The following FSHR variants were observed in gnomAD, a reference collection of about 807,000 sequenced individuals.
FSHR encodes follicle-stimulating hormone receptor.
Under a neutral mutation model 52.1 loss-of-function variants are expected in FSHR, and 46 were observed. The observed-to-expected ratio is 0.88, with a 90% CI of 0.70 to 1.13. The LOEUF (loss-of-function observed/expected upper bound fraction) is 1.13. FSHR is among the 50% of genes most tolerant of loss of function. The pLI, the probability that FSHR is intolerant of heterozygous loss-of-function variation, is 0.00. For synonymous variants in FSHR, 399 were observed against 309.6 expected (o/e 1.29, Z -3.03); for missense variants, 964 against 834.6 (o/e 1.16, Z -1.91).
Position 48,963,171 on chromosome 2 carries a change from G to T in FSHR, c.1650C>A (p.Ile550=), listed in dbSNP as rs759651692. Residue 550 remains isoleucine, a synonymous_variant, in exon 10 of 10, where the codon ATC becomes ATA. Transcript: ENST00000406846. ...GGTTCCGCACTGTGAGGTAGATGTGGATATAGCAGCCACAGATGACCACAA... is the reference window on the plus strand; with the variant it reads ...GGTTCCGCACTGTGAGGTAGATGTGTATATAGCAGCCACAGATGACCACAA... ...LAFVVICGCY[I]HIYLTVRNPN... The T allele has an allele frequency of 1.2e-5, 20 of 1,613,976 alleles. No individual in the cohort carries two copies. The South Asian group carries it at 1.4e-4, about 12-fold the overall frequency.
intron 4 of FSHR, among the ~76,000 whole-genome samples, chr2:48,999,041 T>G (rs1344331333): frequency 6.6e-6 from 1 of 152,014 alleles, no homozygotes; most frequent in Admixed American, 6.6e-5. Context: ...TGTTCGCTGA[T>G]GGGGTGAGGA....
At chr2:49,023,499 C>T (rs140155484) in intron 2 of FSHR, among the ~76,000 whole-genome samples, 2 of 152,296 alleles carry the variant, frequency 1.3e-5, no homozygotes, top group East Asian at 3.8e-4. Context: ...GGTGACAGCC[C>T]AGCCTAGCTT....
At chr2:48,992,796 A>C (rs1675845584) in intron 4 of FSHR, among the ~76,000 whole-genome samples, 2 of 152,112 alleles carry the variant, frequency 1.3e-5, no homozygotes, top group Non-Finnish European at 1.5e-5. Flanking sequence ...AAGCTTCTAG[A>C]AAGAGTTGTC....
At chr2:49,086,328 A>C (rs1442452223) in intron 1 of FSHR, among the ~76,000 whole-genome samples, 2 of 152,190 alleles carry the variant, frequency 1.3e-5, no homozygotes, top group African/African-American at 2.4e-5. Flanking sequence ...AAGACAGAAA[A>C]GATGTAGCAA....
intron 1 of FSHR, among the ~76,000 whole-genome samples, chr2:49,104,609 G>A (rs1671158354): frequency 6.6e-6 from 1 of 152,170 alleles, no homozygotes; most frequent in Non-Finnish European, 1.5e-5. Context: ...ATGGTTTGCA[G>A]AAAGATATCG....
At chr2:49,012,750 T>G (rs1004449921) in intron 4 of FSHR, among the ~76,000 whole-genome samples, 6 of 152,136 alleles carry the variant, frequency 3.9e-5, no homozygotes, top group African/African-American at 1.4e-4. Context: ...GTTTTTTCTC[T>G]TGAAGCAAGT....
At chr2:49,084,334 G>A (rs1052917822) in intron 1 of FSHR, among the ~76,000 whole-genome samples, 4 of 151,928 alleles carry the variant, frequency 2.6e-5, no homozygotes, top group South Asian at 2.1e-4. Context: ...TCTCTGGGAC[G>A]CATTCAAAGC....
Position 49,146,474 on chromosome 2 carries a change from T to G in FSHR, c.152+7792A>C, listed in dbSNP as rs927855767. Among the ~76,000 whole-genome samples, 8 of 152,168 alleles carry G rather than the reference T, an allele frequency of 5.3e-5. No individual in the cohort carries two copies. In the East Asian group the frequency reaches 1.5e-3, roughly 29 times the overall value. On this transcript the variant is annotated intron_variant, in intron 1 of 9. Coordinates refer to ENST00000406846, the MANE Select transcript of FSHR (RefSeq NM_000145.4). ...ATAGGATCCCTCATAAATTCTTTGT[T>G]TAAAACCCCTCAACAAGTTGAAAAT... is the stretch of plus-strand genomic sequence containing the variant.
intron 4 of FSHR, among the ~76,000 whole-genome samples, chr2:48,991,663 C>G (rs1277826643): frequency 1.3e-5 from 2 of 152,198 alleles, no homozygotes; most frequent in Non-Finnish European, 2.9e-5. Context: ...TTGAGTGAAG[C>G]TGGATGAAAT....
intron 1 of FSHR, among the ~76,000 whole-genome samples, chr2:49,084,677 C>T (rs1414979606): frequency 6.6e-6 from 1 of 152,166 alleles, no homozygotes; most frequent in Non-Finnish European, 1.5e-5. Context: ...TCACCGATCC[C>T]ACAGAAATAC....
intron 4 of FSHR, among the ~76,000 whole-genome samples, chr2:48,999,685 T>C (rs1676171492): frequency 6.6e-6 from 1 of 152,122 alleles, no homozygotes; most frequent in Admixed American, 6.6e-5. Flanking sequence ...AATGAAATGT[T>C]ACAATGGTCA....
chr2:49,092,010 T>G (rs902938888), intron 1 of FSHR, among the ~76,000 whole-genome samples: 2 of 152,226 alleles, frequency 1.3e-5, no homozygotes, highest in East Asian at 3.8e-4. Flanking sequence ...CACAACACAG[T>G]ATGGCTTTCC....
intron 1 of FSHR, among the ~76,000 whole-genome samples, chr2:49,124,076 C>T (rs1209728005): frequency 2.0e-5 from 3 of 151,854 alleles, no homozygotes; most frequent in East Asian, 3.9e-4. Flanking sequence ...CCTCCACCTC[C>T]TGCACCTCCC....
intron 1 of FSHR, among the ~76,000 whole-genome samples, chr2:49,140,908 C>T (rs1672661793): frequency 1.3e-5 from 2 of 152,142 alleles, no homozygotes; most frequent in South Asian, 4.1e-4. Flanking sequence ...TTAAGTACTC[C>T]ATTTTCACAT....
intron 2 of FSHR, among the ~76,000 whole-genome samples, 174 bp downstream of exon 2, chr2:49,068,045 T>C (rs1456674207): frequency 6.6e-6 from 1 of 150,846 alleles, no homozygotes; most frequent in East Asian, 1.9e-4. Flanking sequence ...AGTGAAAGAC[T>C]CCACACTATC....
intron 1 of FSHR, among the ~76,000 whole-genome samples, chr2:49,147,483 A>G (rs2103853529): frequency 6.6e-6 from 1 of 152,166 alleles, no homozygotes. Flanking sequence ...AGAGTAGAGG[A>G]CTTGGGTGAG....
Position 48,968,573 on chromosome 2 carries a change from G to A in FSHR, c.854+125C>T, listed in dbSNP as rs1274970876. ...GAACTGAATTTTTGACCCAGAATGT[G>A]CCAAAGGGCTTGAGACAGGGAACTC... On this transcript the variant is annotated intron_variant, in intron 9 of 9. Transcript: ENST00000406846. 13 of 1,130,858 alleles carry A rather than the reference G, an allele frequency of 1.1e-5. No individual in the cohort carries two copies. The East Asian group carries it at 2.2e-4, about 19-fold the overall frequency. 70.1% of individuals were successfully genotyped at this position (1,130,858 alleles called of 1,614,324 possible).
intron 1 of FSHR, among the ~76,000 whole-genome samples, chr2:49,102,638 T>C (rs1671075394): frequency 6.6e-6 from 1 of 152,194 alleles, no homozygotes; most frequent in South Asian, 2.1e-4. Flanking sequence ...TAGTCTTTAA[T>C]AGAGTTAACA....
At chr2:49,042,179 C>T (rs561844476) in intron 2 of FSHR, among the ~76,000 whole-genome samples, 177 of 152,250 alleles carry the variant, frequency 1.2e-3, no homozygotes, top group African/African-American at 4.0e-3. Flanking sequence ...CACATTCTTC[C>T]ATATCATATT....
Sources: gnomAD v4.1 joint callset for allele counts (sites outside exome capture counted in the v4.1 genomes callset) on GRCh38, gnomAD v4.1.1 for gene constraint, MANE v1.5 for transcripts, NCBI Gene and HGNC (gene_info 2026-07-23, HGNC 2026-07-21) for gene names.